The following DIPK1A variants were observed in gnomAD, a reference collection of about 807,000 sequenced individuals.
DIPK1A encodes the protein divergent protein kinase domain 1A.
A neutral mutation model predicts 40.8 loss-of-function variants in DIPK1A; 27 were observed. The observed-to-expected ratio is 0.66, with a 90% confidence interval of 0.49 to 0.91. The LOEUF is 0.91. Among genes scored for constraint, DIPK1A ranks in the 40% least tolerant of loss-of-function variants. DIPK1A has a pLI of 0.00. For missense variants in DIPK1A, 412 were observed against 505.7 expected (o/e 0.81, Z 1.78); for synonymous variants, 166 against 171.3 (o/e 0.97, Z 0.24).
At chr1:92,866,055 T>C (rs960145387) in intron 2 of DIPK1A, among the ~76,000 whole-genome samples, 1 of 152,164 alleles carries the variant, frequency 6.6e-6, no homozygotes, top group Non-Finnish European at 1.5e-5. Context: ...TTCTCTGGTC[T>C]AGTGTTAATC....
intron 1 of DIPK1A, among the ~76,000 whole-genome samples, chr1:92,919,928 T>A (rs1199502417): frequency 6.6e-6 from 1 of 152,232 alleles, no homozygotes; most frequent in Non-Finnish European, 1.5e-5. Context: ...AAAACTGCCA[T>A]TAATCGACAT....
intron 2 of DIPK1A, among the ~76,000 whole-genome samples, chr1:92,859,128 A>G (rs377324154): frequency 2.5e-4 from 38 of 152,312 alleles, no homozygotes; most frequent in African/African-American, 8.7e-4. Context: ...CAAGGGGGCA[A>G]TAACAATGAA....
rs577886469 is a variant in DIPK1A at position 92,947,903 on chromosome 1, G to A, written c.54+13473C>T. Among the ~76,000 whole-genome samples the A allele has an allele frequency of 4.5e-4, 69 of 152,240 alleles. 1 individual carries two copies. Among genetic ancestry groups the A allele is most frequent in the African/African-American group, 1.5e-3 (61 of 41,528 alleles). ...GGTTACCAGAGGTAGGAAAAGGTAC[G>A]GGGGACAGAGGAATAGCTAAAGATT... On this transcript the variant is annotated intron_variant, in intron 1 of 4. Coordinates refer to ENST00000370310, the MANE Select transcript of DIPK1A (RefSeq NM_001006605.5).
At chr1:92,939,275 A>G (rs1651062820) in intron 1 of DIPK1A, among the ~76,000 whole-genome samples, 1 of 152,184 alleles carries the variant, frequency 6.6e-6, no homozygotes, top group African/African-American at 2.4e-5. Context: ...ACCAAATACT[A>G]TCATTTTGTA....
intron 1 of DIPK1A, among the ~76,000 whole-genome samples, chr1:92,953,764 T>C (rs1053235122): frequency 1.3e-5 from 2 of 152,114 alleles, no homozygotes; most frequent in Non-Finnish European, 2.9e-5. Context: ...GTTCAATGGG[T>C]AGAGTTTCGA....
intron 2 of DIPK1A, among the ~76,000 whole-genome samples, chr1:92,871,951 T>C (rs1647884026): frequency 6.6e-6 from 1 of 152,078 alleles, no homozygotes; most frequent in South Asian, 2.1e-4. Context: ...TTTGAAACCC[T>C]GATTTCAATT....
intron 4 of DIPK1A, 31 bp from the exon 5 acceptor site, chr1:92,844,226 G>T: frequency 7.1e-7 from 1 of 1,410,628 alleles, no homozygotes; most frequent in Non-Finnish European, 9.7e-7. Context: ...TACACAGAAG[G>T]AATGAAAAAT....
At chr1:92,837,848 A>G, downstream of DIPK1A, 2 of 564,388 alleles carry the variant, frequency 3.5e-6, no homozygotes, top group Admixed American at 3.0e-5. Flanking sequence ...GCTGTTCTGT[A>G]TTTGTAGATG....
chr1:92,878,154 A>G (rs1015351049), intron 1 of DIPK1A, among the ~76,000 whole-genome samples: 2 of 152,216 alleles, frequency 1.3e-5, no homozygotes, highest in Admixed American at 6.5e-5. Context: ...ATAATCAGCA[A>G]ACTCCAGGCT....
intron 3 of DIPK1A, among the ~76,000 whole-genome samples, chr1:92,848,148 A>G (rs1687699242): frequency 6.6e-6 from 1 of 152,216 alleles, no homozygotes; most frequent in Non-Finnish European, 1.5e-5. Flanking sequence ...GTGAAGTAAC[A>G]TGCTGAAAAG....
At chr1:92,854,901 T>C (rs1165051026) in intron 2 of DIPK1A, among the ~76,000 whole-genome samples, 1 of 152,162 alleles carries the variant, frequency 6.6e-6, no homozygotes, top group African/African-American at 2.4e-5. Context: ...TGAGGCCTCA[T>C]TAGGAGGAGC....
chr1:92,961,273 C>G, intron 1 of DIPK1A, 103 bp downstream of exon 1: 5 of 817,750 alleles, frequency 6.1e-6, no homozygotes, highest in Non-Finnish European at 8.8e-6. Flanking sequence ...CGGGCGGGCA[C>G]AGACCCAGGG....
chr1:92,899,768 T>C (rs1163185601), intron 1 of DIPK1A, among the ~76,000 whole-genome samples: 1 of 152,218 alleles, frequency 6.6e-6, no homozygotes, highest in African/African-American at 2.4e-5. Context: ...GTGATGATTA[T>C]CTTTTCACTT....
chr1:92,905,514 G>A (rs1649587997), intron 1 of DIPK1A, among the ~76,000 whole-genome samples: 1 of 151,946 alleles, frequency 6.6e-6, no homozygotes, highest in East Asian at 1.9e-4. Flanking sequence ...TATATATCCT[G>A]GTTATTAATC....
intron 1 of DIPK1A, among the ~76,000 whole-genome samples, chr1:92,911,550 C>G (rs1441838956): frequency 6.6e-6 from 1 of 152,040 alleles, no homozygotes; most frequent in African/African-American, 2.4e-5. Flanking sequence ...ATATACGTAC[C>G]ATAGTTTGTT....
At chr1:92,937,832 C>CTTAATG (rs113072635) in intron 1 of DIPK1A, among the ~76,000 whole-genome samples, 52,643 of 151,340 alleles carry the variant, frequency 0.35, 9,511 homozygotes, top group African/African-American at 0.38. Context: ...TTTCTTGCTA[C>CTTAATG]TTAAGGTTCT....
At chr1:92,902,940 C>A (rs141921518) in intron 1 of DIPK1A, among the ~76,000 whole-genome samples, 110 of 152,248 alleles carry the variant, frequency 7.2e-4, no homozygotes, top group African/African-American at 2.3e-3. Context: ...TCACTTGGAG[C>A]GTGCCTGAGT....
At chr1:92,915,579 C>G (rs1650019878) in intron 1 of DIPK1A, among the ~76,000 whole-genome samples, 1 of 152,140 alleles carries the variant, frequency 6.6e-6, no homozygotes, top group African/African-American at 2.4e-5. Context: ...TAGTTAGCAT[C>G]TATTCTTGGG....
chr1:92,928,288 A>G (rs1001688575), intron 1 of DIPK1A, among the ~76,000 whole-genome samples: 1 of 152,242 alleles, frequency 6.6e-6, no homozygotes, highest in African/African-American at 2.4e-5. Context: ...ATGCTGTACT[A>G]CTAAACACTA....
Sources: gnomAD v4.1 joint callset for allele counts (sites outside exome capture counted in the v4.1 genomes callset) on GRCh38, gnomAD v4.1.1 for gene constraint, MANE v1.5 for transcripts, NCBI Gene and HGNC (gene_info 2026-07-23, HGNC 2026-07-21) for gene names.